GPHN: variants seen among roughly 807,000 people sequenced by gnomAD.
GPHN encodes the protein gephyrin.
In GPHN, 17 loss-of-function variants were observed where a neutral mutation model predicts 95.5. The ratio of observed to expected loss-of-function variants is 0.18; its 90% confidence interval spans 0.12 to 0.27. The LOEUF (loss-of-function observed/expected upper bound fraction) is 0.27. Among genes scored for constraint, GPHN ranks in the 10% least tolerant of loss-of-function variants. The probability of loss-of-function intolerance (pLI) is 1.00; values close to 1 mark genes in which losing one functional copy is unlikely to be tolerated. For missense variants in GPHN, 660 were observed against 978.1 expected (o/e 0.67, Z 4.34); for synonymous variants, 320 against 322.5 (o/e 0.99, Z 0.08).
chr14:66,514,557 T>C (rs1042155058), intron 1 of GPHN, among the ~76,000 whole-genome samples: 4 of 152,036 alleles, frequency 2.6e-5, no homozygotes, highest in Non-Finnish European at 4.4e-5. Flanking sequence ...AAGAGAAATA[T>C]AGGATATTAG....
chr14:66,780,522 C>CTT (rs775788664), intron 3 of GPHN, among the ~76,000 whole-genome samples: 1 of 143,064 alleles, frequency 7.0e-6, no homozygotes, highest in African/African-American at 2.6e-5. Flanking sequence ...AAGGAATCAG[C>CTT]TTTTTTTTTT....
intron 9 of GPHN, among the ~76,000 whole-genome samples, chr14:66,987,522 G>A (rs111393772): frequency 0.017 from 2,598 of 152,114 alleles, 35 homozygotes; most frequent in African/African-American, 0.02. Context: ...CAAAAGATAC[G>A]TTTTATAATT....
At chr14:66,725,552 C>T (rs2071151459) in intron 2 of GPHN, among the ~76,000 whole-genome samples, 2 of 152,108 alleles carry the variant, frequency 1.3e-5, no homozygotes, top group South Asian at 4.1e-4. Flanking sequence ...GGCACAATCT[C>T]GGCTCACTGA....
At chr14:66,875,751 A>G (rs1205542614) in intron 4 of GPHN, among the ~76,000 whole-genome samples, 1 of 152,166 alleles carries the variant, frequency 6.6e-6, no homozygotes, top group Non-Finnish European at 1.5e-5. Context: ...AGATTCATAA[A>G]TCAAGTTCTT....
chr14:67,571,774 T>C, the GPHN span: 5 of 1,613,814 alleles, frequency 3.1e-6, no homozygotes, highest in African/African-American at 6.7e-5. Context: ...ATCAGCAACA[T>C]GCCCTTTATG....
intron 17 of GPHN, among the ~76,000 whole-genome samples, chr14:67,127,618 C>T (rs182933011): frequency 6.6e-6 from 1 of 152,270 alleles, no homozygotes; most frequent in African/African-American, 2.4e-5. Flanking sequence ...TTATACCAAA[C>T]TGCAGGTCTG....
At chr14:67,133,621 C>A (rs1036228843) in intron 17 of GPHN, among the ~76,000 whole-genome samples, 1 of 152,082 alleles carries the variant, frequency 6.6e-6, no homozygotes, top group African/African-American at 2.4e-5. Flanking sequence ...CCAAAGCAAT[C>A]AAATTGAAAT....
the GPHN span, among the ~76,000 whole-genome samples, chr14:67,482,804 C>G: frequency 1.3e-5 from 2 of 152,114 alleles, no homozygotes; most frequent in African/African-American, 2.4e-5. Context: ...CAGACTTCCA[C>G]CCTCTTGCTG....
intron 9 of GPHN, among the ~76,000 whole-genome samples, chr14:66,972,294 A>AAAG (rs1555454741): frequency 1.4e-5 from 2 of 147,100 alleles, no homozygotes; most frequent in African/African-American, 5.1e-5. Flanking sequence ...AGAAAGAAAA[A>AAAG]AAAGAAAAAA....
chr14:67,656,607 G>A, the GPHN span: 6 of 1,588,162 alleles, frequency 3.8e-6, no homozygotes, highest in Non-Finnish European at 3.4e-6. Context: ...AAGTATGGAA[G>A]AGAAATGTTA....
the GPHN span, among the ~76,000 whole-genome samples, chr14:67,300,529 T>C: frequency 1.3e-5 from 2 of 152,134 alleles, no homozygotes; most frequent in South Asian, 2.1e-4. Flanking sequence ...TATTTTGCCA[T>C]GTTGGCCAGG....
chr14:67,496,649 TTCTC>T, the GPHN span, among the ~76,000 whole-genome samples: 23 of 150,376 alleles, frequency 1.5e-4, no homozygotes, highest in South Asian at 1.9e-3. Context: ...TTTTCTTTCT[TTCTC>T]TCTCTCTCTC....
intron 1 of GPHN, among the ~76,000 whole-genome samples, chr14:66,640,219 A>C (rs1435539459): frequency 6.6e-6 from 1 of 152,132 alleles, no homozygotes; most frequent in East Asian, 1.9e-4. Flanking sequence ...TCGTGAGTTC[A>C]AGACCAGCCT....
At chr14:66,614,001 G>A (rs1343630235) in intron 1 of GPHN, among the ~76,000 whole-genome samples, 1 of 151,834 alleles carries the variant, frequency 6.6e-6, no homozygotes, top group African/African-American at 2.4e-5. Flanking sequence ...ATCTCTCCCG[G>A]CTGGAAATTT....
At chr14:66,628,606 TTTTTAAACAATGTATACTTAAC>T (rs2063611160) in intron 1 of GPHN, among the ~76,000 whole-genome samples, 1 of 151,796 alleles carries the variant, frequency 6.6e-6, no homozygotes, top group Non-Finnish European at 1.5e-5. Flanking sequence ...CACTGTAGAG[TTTTTAAACAATGTATACTTAAC>T]TACACTAATT....
At chr14:66,895,862 T>C (rs954039745) in intron 5 of GPHN, among the ~76,000 whole-genome samples, 4 of 152,174 alleles carry the variant, frequency 2.6e-5, no homozygotes, top group Non-Finnish European at 5.9e-5. Context: ...GAACAAATCT[T>C]TTTTAAAAAA....
chr14:67,405,422 AT>A, the GPHN span, among the ~76,000 whole-genome samples: 1 of 152,116 alleles, frequency 6.6e-6, no homozygotes, highest in South Asian at 2.1e-4. Flanking sequence ...GATTAATAAT[AT>A]GGCACCAAGG....
the GPHN span, among the ~76,000 whole-genome samples, chr14:67,627,260 T>C: frequency 3.5e-5 from 4 of 115,304 alleles, no homozygotes; most frequent in Non-Finnish European, 6.0e-5. Context: ...TAAGGAGATA[T>C]ATATATATAT....
the GPHN span, chr14:67,561,888 A>T: frequency 4.5e-6 from 5 of 1,115,176 alleles, no homozygotes; most frequent in Non-Finnish European, 6.6e-6. Context: ...AAAAAAAAAG[A>T]ATTGAAAAAA....
Sources: gnomAD v4.1 joint callset for allele counts (sites outside exome capture counted in the v4.1 genomes callset) on GRCh38, gnomAD v4.1.1 for gene constraint, MANE v1.5 for transcripts, NCBI Gene and HGNC (gene_info 2026-07-23, HGNC 2026-07-21) for gene names.